Variants in GAB1 observed in about 807,000 individuals in gnomAD.
GAB1 encodes the protein GRB2-associated-binding protein 1.
GAB1 carries 19 observed loss-of-function variants against 66.5 expected under a neutral mutation model. The ratio of observed to expected loss-of-function variants is 0.29; its 90% CI spans 0.20 to 0.42. GAB1 has a LOEUF of 0.42. Among genes scored for constraint, GAB1 ranks in the 10% least tolerant of loss-of-function variants. GAB1 has a pLI of 1.00. For synonymous variants in GAB1, 294 were observed against 301.4 expected (o/e 0.98, Z 0.25); for missense variants, 732 against 858.5 (o/e 0.85, Z 1.84).
chr4:143,355,194 CCT>C (rs1299872846), intron 1 of GAB1, among the ~76,000 whole-genome samples: 1 of 151,926 alleles, frequency 6.6e-6, no homozygotes, highest in South Asian at 2.1e-4. Context: ...TAGGAAATAC[CCT>C]GAGTCCAAGG....
intron 3 of GAB1, among the ~76,000 whole-genome samples, chr4:143,436,853 C>T (rs1733966002): frequency 6.6e-6 from 1 of 152,084 alleles, no homozygotes; most frequent in Non-Finnish European, 1.5e-5. Context: ...AAGTTGTCAG[C>T]ATTCAGAGAA....
At chr4:143,372,879 T>C (rs947258370) in intron 1 of GAB1, among the ~76,000 whole-genome samples, 6 of 152,242 alleles carry the variant, frequency 3.9e-5, no homozygotes, top group African/African-American at 1.4e-4. Context: ...TTAACTGTCC[T>C]GGTCTTCCTC....
chr4:143,396,646 T>C (rs939886934), intron 1 of GAB1, among the ~76,000 whole-genome samples: 1 of 152,176 alleles, frequency 6.6e-6, no homozygotes, highest in South Asian at 2.1e-4. Context: ...TTTGGAAATA[T>C]GGGGTTTCTC....
chr4:143,419,256 T>A (rs1732884633), intron 2 of GAB1, among the ~76,000 whole-genome samples: 1 of 152,112 alleles, frequency 6.6e-6, no homozygotes, highest in Non-Finnish European at 1.5e-5. Context: ...AGTATAATTC[T>A]ATGGAAGTTT....
intron 1 of GAB1, among the ~76,000 whole-genome samples, chr4:143,409,087 C>T (rs1732219970): frequency 6.6e-6 from 1 of 152,192 alleles, no homozygotes; most frequent in Admixed American, 6.5e-5. Context: ...TGTTAATGGA[C>T]TACTTGCGTG....
intron 6 of GAB1, among the ~76,000 whole-genome samples, chr4:143,458,737 G>T (rs549305065): frequency 6.6e-6 from 1 of 152,086 alleles, no homozygotes; most frequent in African/African-American, 2.4e-5. Flanking sequence ...TTTAGCAAGA[G>T]ATTTGTTGCT....
intron 1 of GAB1, among the ~76,000 whole-genome samples, chr4:143,338,208 T>A (rs186690557): frequency 6.6e-6 from 1 of 152,340 alleles, no homozygotes; most frequent in African/African-American, 2.4e-5. Flanking sequence ...TCCCCATTGG[T>A]TGTTTTGTTG....
intron 1 of GAB1, among the ~76,000 whole-genome samples, chr4:143,378,211 T>C (rs903123746): frequency 3.3e-5 from 5 of 152,210 alleles, no homozygotes; most frequent in African/African-American, 4.8e-5. Context: ...TGAGGAAAAG[T>C]AGTTTTAAAG....
At chr4:143,463,622 CAA>C (rs76973454) in intron 8 of GAB1, among the ~76,000 whole-genome samples, 23 of 66,298 alleles carry the variant, frequency 3.5e-4, no homozygotes, top group Admixed American at 7.2e-4. Flanking sequence ...GACTCCATCT[CAA>C]AAAAAAAAAA....
At chr4:143,445,501 T>TAA (rs1734460003) in intron 6 of GAB1, among the ~76,000 whole-genome samples, 2 of 152,202 alleles carry the variant, frequency 1.3e-5, no homozygotes, top group Admixed American at 1.3e-4. Flanking sequence ...CTTTCTCAGA[T>TAA]GCATAGTTTG....
intron 1 of GAB1, among the ~76,000 whole-genome samples, chr4:143,399,910 T>A (rs1288402300): frequency 2.0e-5 from 3 of 151,768 alleles, no homozygotes; most frequent in Non-Finnish European, 4.4e-5. Flanking sequence ...GAGCATTTGT[T>A]TACCCATCCA....
chr4:143,353,538 A>C (rs996044092), intron 1 of GAB1, among the ~76,000 whole-genome samples: 3 of 152,184 alleles, frequency 2.0e-5, no homozygotes, highest in African/African-American at 7.2e-5. Flanking sequence ...GCAGAGGAAT[A>C]AAGTACTTGA....
At chr4:143,442,555 C>T (rs544426071) in intron 6 of GAB1, among the ~76,000 whole-genome samples, 1 of 152,232 alleles carries the variant, frequency 6.6e-6, no homozygotes, top group South Asian at 2.1e-4. Flanking sequence ...TTAGTATCCT[C>T]TAGGTCTGAT....
intron 6 of GAB1, among the ~76,000 whole-genome samples, chr4:143,454,710 T>C (rs1735090001): frequency 6.6e-6 from 1 of 152,160 alleles, no homozygotes. Flanking sequence ...TGAGTGCTTT[T>C]TCCCCCAGCC....
chr4:143,450,066 C>T (rs1475758488), intron 6 of GAB1, among the ~76,000 whole-genome samples: 4 of 151,960 alleles, frequency 2.6e-5, no homozygotes, highest in Non-Finnish European at 5.9e-5. Context: ...AATCTTAAGT[C>T]AAGCTTTGCG....
intron 1 of GAB1, among the ~76,000 whole-genome samples, chr4:143,393,349 A>G (rs1731280416): frequency 6.6e-6 from 1 of 152,144 alleles, no homozygotes; most frequent in Non-Finnish European, 1.5e-5. Context: ...TGTCATAGAC[A>G]AATAGTACAG....
chr4:143,473,594 G>C lies in GAB1; in HGVS notation c.*4405G>C, dbSNP rs902446866. 2 of 152,190 alleles carry C rather than the reference G, an allele frequency of 1.3e-5. No homozygotes were observed. The highest frequency in any genetic ancestry group is 2.9e-5 in the Non-Finnish European group (2 of 68,038). The allele number at this position is 152,190 out of a possible 1,614,324, so 9.4% of individuals were successfully genotyped here. ...GCCCTGTTACTCCTCCAGCCAGCCA[G>C]TGCTGCCAGCATTTTATTGTGTAAA... On this transcript the variant is annotated 3_prime_UTR_variant, in exon 10 of 10. Coordinates refer to ENST00000262994, the MANE Select transcript of GAB1 (RefSeq NM_002039.4).
chr4:143,470,851 G>A lies in GAB1; in HGVS notation c.*1662G>A, dbSNP rs1010798868. 4.6e-5 allele frequency: 7 copies of A among 152,140 alleles called. No individual in the cohort carries two copies. The highest frequency in any genetic ancestry group is 9.7e-5 in the African/African-American group (4 of 41,438). The allele number at this position is 152,140 out of a possible 1,614,324, so 9.4% of individuals were successfully genotyped here. A position where few individuals can be genotyped will look rare whatever the true frequency, so the allele number is the denominator to read the frequency against. On this transcript the variant is annotated 3_prime_UTR_variant, in exon 10 of 10. Transcript: ENST00000262994. ...TTTTCCCAATCCTCAAACTAAAAAT[G>A]TTCATAACAAGATGAATTGTAGACT... is the stretch of plus-strand genomic sequence containing the variant.
At chr4:143,413,101 A>G (rs2149714494) in intron 1 of GAB1, among the ~76,000 whole-genome samples, 1 of 152,316 alleles carries the variant, frequency 6.6e-6, no homozygotes, top group South Asian at 2.1e-4. Context: ...AAGTTTTAAA[A>G]AGTCATTTCT....
Sources: gnomAD v4.1 joint callset for allele counts (sites outside exome capture counted in the v4.1 genomes callset) on GRCh38, gnomAD v4.1.1 for gene constraint, MANE v1.5 for transcripts, NCBI Gene and HGNC (gene_info 2026-07-23, HGNC 2026-07-21) for gene names.